Variants in CAMK2B observed in about 807,000 individuals in gnomAD.
The protein encoded by CAMK2B is calcium/calmodulin dependent protein kinase II beta.
CAMK2B carries 27 observed loss-of-function variants against 93.7 expected under a neutral mutation model. That is an observed-to-expected ratio of 0.29 (90% CI 0.21 to 0.40). The LOEUF is 0.40. CAMK2B is among the 10% of genes least tolerant of loss of function. CAMK2B has a pLI of 1.00. For missense variants in CAMK2B, 568 were observed against 895.8 expected, an observed-to-expected ratio of 0.63 and a Z score of 4.67; for synonymous variants, 374 against 358.8, an observed-to-expected ratio of 1.04 and a Z score of -0.48.
chr7:44,226,413 C>T, intron 20 of CAMK2B, 103 bp downstream of exon 20: 1 of 963,918 alleles, frequency 1.0e-6, no homozygotes, highest in Non-Finnish European at 1.4e-6. Flanking sequence ...TGTGCCCCGC[C>T]CTCCTCCGCA....
chr7:44,283,276 G>A (rs1283024671), intron 2 of CAMK2B, among the ~76,000 whole-genome samples: 3 of 152,186 alleles, frequency 2.0e-5, no homozygotes, highest in Admixed American at 1.3e-4. Context: ...GTTTGTCCTC[G>A]ACCTGCCCCA....
intron 2 of CAMK2B, among the ~76,000 whole-genome samples, chr7:44,273,050 C>T (rs80159400): frequency 2.1e-4 from 32 of 152,322 alleles, no homozygotes; most frequent in Non-Finnish European, 3.7e-4. Context: ...CTTCATGTCC[C>T]CCACCGGACT....
chr7:44,299,348 G>A (rs1789246502), intron 1 of CAMK2B, among the ~76,000 whole-genome samples: 1 of 152,188 alleles, frequency 6.6e-6, no homozygotes, highest in African/African-American at 2.4e-5. Flanking sequence ...AATTCATAGA[G>A]AGAAAGTAGA....
At chr7:44,265,820 A>G (rs2096917021) in intron 2 of CAMK2B, among the ~76,000 whole-genome samples, 1 of 152,294 alleles carries the variant, frequency 6.6e-6, no homozygotes, top group South Asian at 2.1e-4. Context: ...CACCCACAAC[A>G]GCACCTCGAC....
In CAMK2B at chr7:44,254,668, C is replaced by A. The variant is rs368528224; in HGVS notation, c.276-61G>T. Reference sequence around the variant, plus strand: ...AGACCCCTGTCACACTGCACTGTCACCTCCATTACTACCACCACCACCATC... The same window carrying A: ...AGACCCCTGTCACACTGCACTGTCAACTCCATTACTACCACCACCACCATC... On this transcript the variant is annotated intron_variant, in intron 4 of 23. Transcript: ENST00000395749. The A allele has an allele frequency of 2.4e-5, 26 of 1,102,322 alleles. No individual in the cohort carries two copies. The African/African-American group carries it at 3.3e-4, about 14-fold the overall frequency. 68.3% of individuals were successfully genotyped at this position (1,102,322 alleles called of 1,614,324 possible).
chr7:44,220,684 G>A lies in CAMK2B; in HGVS notation c.1700C>T (p.Ser567Leu), dbSNP rs981667182. 20 of 1,613,338 alleles carry A rather than the reference G, an allele frequency of 1.2e-5. No homozygotes were observed. The Admixed American group carries it at 2.0e-4, about 16-fold the overall frequency. The change falls in exon 22 of 24, where the codon TCG becomes TTG. Residue 567 changes from serine (S) to leucine (L), a missense_variant. Ser to Leu is a moderately radical substitution (Grantham distance 145). Transcript: ENST00000395749. ...GTTGCCCAGTGCTTCAGGCTCAAAC[G>A]AGGTCAGCCCTGGGTCACAGATTTT... ...YAKICDPGLT[S>L]FEPEALGNLV...
At chr7:44,313,317 G>A (rs1794034426) in intron 1 of CAMK2B, among the ~76,000 whole-genome samples, 1 of 152,134 alleles carries the variant, frequency 6.6e-6, no homozygotes, top group African/African-American at 2.4e-5. Flanking sequence ...CCCTGACAAG[G>A]ACTTTAGGGG....
At position 44,288,251 on chromosome 7, in the gene CAMK2B, C is replaced by T. The variant is rs1057090485; in HGVS notation, c.66-4026G>A. Among the ~76,000 whole-genome samples the T allele has an allele frequency of 3.3e-5, 5 of 152,276 alleles. No individual in the cohort carries two copies. In the East Asian group the frequency reaches 7.7e-4, roughly 23 times the overall value. On this transcript the variant is annotated intron_variant, in intron 1 of 23. Transcript: ENST00000395749. ...CACCAGCGCACAGAGGCTCGAAGCC[C>T]GGTCTTCTTATCTGGAAGCACGGGC...
rs1339299195 is a variant in CAMK2B at position 44,311,059 on chromosome 7, T to C, written c.65+14298A>G. 6.6e-6 allele frequency among the ~76,000 whole-genome samples: 1 copy of C among 152,152 alleles called. No homozygotes were observed. Among genetic ancestry groups the C allele is most frequent in the Non-Finnish European group, 1.5e-5 (1 of 68,020 alleles). On this transcript the variant is annotated intron_variant, in intron 1 of 23. Coordinates refer to ENST00000395749, the MANE Select transcript of CAMK2B (RefSeq NM_001220.5). The surrounding 1 kb of genome is among the most constrained non-coding windows in gnomAD (Gnocchi z 4.2). Reference sequence around the variant, plus strand: ...GGTACTTGCAATGCTGTCTTTAAAATCTGGTTTTTATTTTTATTATTTTTT... The same window carrying C: ...GGTACTTGCAATGCTGTCTTTAAAACCTGGTTTTTATTTTTATTATTTTTT...
chr7:44,292,377 G>A (rs759938954), intron 1 of CAMK2B, among the ~76,000 whole-genome samples: 2 of 152,160 alleles, frequency 1.3e-5, no homozygotes, highest in African/African-American at 4.8e-5. Context: ...CCACATACAT[G>A]AATTCTGGGG....
At chr7:44,262,647 A>C (rs1487348520) in intron 3 of CAMK2B, among the ~76,000 whole-genome samples, 1 of 152,182 alleles carries the variant, frequency 6.6e-6, no homozygotes, top group African/African-American at 2.4e-5. Context: ...GGCTCAGCAG[A>C]GGGCTCTGTG....
chr7:44,224,820 G>A lies in CAMK2B; in HGVS notation c.1597+1696C>T, dbSNP rs549508570. Among the ~76,000 whole-genome samples, 1 of 152,258 alleles carries A rather than the reference G, an allele frequency of 6.6e-6. No homozygotes were observed. The highest frequency in any genetic ancestry group is 2.4e-5 in the African/African-American group (1 of 41,556). On this transcript the variant is annotated intron_variant, in intron 20 of 23. Transcript: ENST00000395749. This position sits in a 1 kb window ranked among gnomAD's most constrained non-coding sequence, Gnocchi z 4.4. ...GGCACCTGCCCTATTTACACAGCTG[G>A]TGGGTGCCTTCTGGAGAAAGGAGGT...
At chr7:44,299,171 A>G (rs1789187751) in intron 1 of CAMK2B, among the ~76,000 whole-genome samples, 1 of 152,264 alleles carries the variant, frequency 6.6e-6, no homozygotes, top group African/African-American at 2.4e-5. Context: ...ATGGATAAAT[A>G]AAGTGTGGTC....
At chr7:44,303,143 T>C (rs1790548314) in intron 1 of CAMK2B, among the ~76,000 whole-genome samples, 1 of 152,104 alleles carries the variant, frequency 6.6e-6, no homozygotes, top group African/African-American at 2.4e-5. Flanking sequence ...TAAAACACAA[T>C]ACCATTTACA....
At chr7:44,232,154 G>T (rs1411462131) in intron 16 of CAMK2B, among the ~76,000 whole-genome samples, 2 of 152,010 alleles carry the variant, frequency 1.3e-5, no homozygotes, top group South Asian at 2.1e-4. Context: ...TGATGGGCTG[G>T]GTGGTGGCAC....
At chr7:44,287,790 C>T (rs1245520628) in intron 1 of CAMK2B, among the ~76,000 whole-genome samples, 6 of 152,200 alleles carry the variant, frequency 3.9e-5, no homozygotes, top group East Asian at 1.9e-4. Context: ...AACAGCTCCC[C>T]GCTTTCCCAG....
Position 44,220,916 on chromosome 7 carries a change from G to T in CAMK2B, c.1598-15C>A. ...CTGCTTCCGGGCTGTGGGGAGACAT[G>T]GCCAGGTGACCACTGGGCGCTGGCC... On this transcript the variant is annotated splice_polypyrimidine_tract_variant and intron_variant, in intron 20 of 23. Coordinates refer to ENST00000395749, the MANE Select transcript of CAMK2B (RefSeq NM_001220.5). 6.4e-7 allele frequency: 1 copy of T among 1,556,494 alleles called. No individual in the cohort carries two copies. The highest frequency in any genetic ancestry group is 8.7e-7 in the Non-Finnish European group (1 of 1,149,262).
At chr7:44,318,335 C>A (rs1356374997) in intron 1 of CAMK2B, among the ~76,000 whole-genome samples, 3 of 152,246 alleles carry the variant, frequency 2.0e-5, no homozygotes, top group Admixed American at 1.3e-4. Flanking sequence ...ACCCGCAAGA[C>A]CTACCTGCAG....
chr7:44,309,093 G>A (rs974114863), intron 1 of CAMK2B, among the ~76,000 whole-genome samples: 29 of 152,332 alleles, frequency 1.9e-4, no homozygotes, highest in African/African-American at 6.3e-4. Flanking sequence ...TACCACCAAC[G>A]CGGATTCCAC....
Sources: gnomAD v4.1 joint callset for allele counts (sites outside exome capture counted in the v4.1 genomes callset) on GRCh38, gnomAD v4.1.1 for gene constraint, Gnocchi (gnomAD v3.1) non-coding constraint, MANE v1.5 for transcripts, NCBI Gene and HGNC (gene_info 2026-07-23, HGNC 2026-07-21) for gene names.